Variants in MSRB2 observed in about 807,000 individuals in gnomAD.
MSRB2 encodes methionine-R-sulfoxide reductase B2, mitochondrial.
MSRB2 carries 17 observed loss-of-function variants against 19.0 expected under a neutral mutation model. That is an observed-to-expected ratio of 0.89 (90% CI 0.61 to 1.34). MSRB2 has a LOEUF of 1.34. Among genes scored for constraint, MSRB2 ranks in the 40% most tolerant of loss-of-function variants. The pLI is 0.00. For synonymous variants in MSRB2, 107 were observed against 99.7 expected (o/e 1.07, Z -0.44); for missense variants, 208 against 237.6 (o/e 0.88, Z 0.82).
chr10:23,109,194 TTTTA>T (rs1366957646), intron 2 of MSRB2, among the ~76,000 whole-genome samples: 1 of 152,204 alleles, frequency 6.6e-6, no homozygotes, highest in African/African-American at 2.4e-5. Context: ...AAGGGTTGTT[TTTTA>T]TTTAATTTTC....
intron 1 of MSRB2, among the ~76,000 whole-genome samples, chr10:23,101,863 G>A (rs1466980460): frequency 6.6e-6 from 1 of 152,158 alleles, no homozygotes; most frequent in African/African-American, 2.4e-5. Flanking sequence ...TTATAGACAA[G>A]TTATAAAGAC....
chr10:23,117,290 TG>T (rs1386553263), intron 3 of MSRB2, among the ~76,000 whole-genome samples: 5 of 152,186 alleles, frequency 3.3e-5, no homozygotes, highest in South Asian at 2.1e-4. Context: ...CAGAGATTCC[TG>T]GGGGGGACCT....
chr10:23,097,502 C>A (rs1839881290), intron 1 of MSRB2, among the ~76,000 whole-genome samples: 1 of 152,246 alleles, frequency 6.6e-6, no homozygotes, highest in African/African-American at 2.4e-5. Flanking sequence ...ACTAATCCCT[C>A]AAGAGAGCCT....
At position 23,095,742 on chromosome 10, in the gene MSRB2, C is replaced by T; in HGVS notation, c.118+16C>T. ...GGGGAGGCAGGTAGGACGCGGGTCC[C>T]GCAGGCCCCGCCGCCGCCTACGGCT... On this transcript the variant is annotated intron_variant, in intron 1 of 4. Transcript: ENST00000376510. 1 of 1,233,344 alleles carries T rather than the reference C, an allele frequency of 8.1e-7. No homozygotes were observed. Among genetic ancestry groups the T allele is most frequent in the African/African-American group, 1.6e-5 (1 of 64,006 alleles). The allele number at this position is 1,233,344 out of a possible 1,614,324, so 76.4% of individuals were successfully genotyped here.
rs2131624195 is a variant in MSRB2, at chr10:23,104,138, A to G, written c.119-6A>G. Reference sequence around the variant, plus strand: ...TAATTTTTAAAATTCCTGTTTAACAATACAGGGTCTCTTGCAACGTGTGAG... The same window carrying G: ...TAATTTTTAAAATTCCTGTTTAACAGTACAGGGTCTCTTGCAACGTGTGAG... On this transcript the variant is annotated splice_region_variant and splice_polypyrimidine_tract_variant and intron_variant, in intron 1 of 4. Coordinates refer to ENST00000376510, the MANE Select transcript of MSRB2 (RefSeq NM_012228.4). 1 of 1,606,336 alleles carries G rather than the reference A, an allele frequency of 6.2e-7. No homozygotes were observed. The highest frequency in any genetic ancestry group is 1.1e-5 in the South Asian group (1 of 89,860).
Position 23,120,912 on chromosome 10 carries a change from A to G in MSRB2, c.*50A>G, listed in dbSNP as rs750760727. On this transcript the variant is annotated 3_prime_UTR_variant, in exon 5 of 5. Transcript: ENST00000376510. ...TGCCACCCCTTCACGTGCACCCTCA[A>G]TTTCCACAATTCACTTGAATGACTT... The G allele has an allele frequency of 7.3e-7, 1 of 1,367,348 alleles. No homozygotes were observed. The highest frequency in any genetic ancestry group is 1.0e-6 in the Non-Finnish European group (1 of 966,614). The allele number at this position is 1,367,348 out of a possible 1,614,324, so 84.7% of individuals were successfully genotyped here.
rs926691491 is a variant in MSRB2, at chr10:23,118,236, A to G, written c.297-1068A>G. The stretch of plus-strand genomic sequence containing the variant: ...TGTTTGAGAATTGCTGCATTACACA[A>G]TTGTTTCTGTGGGAGTTTGTGCTGC... On this transcript the variant is annotated intron_variant, in intron 3 of 4. Coordinates refer to ENST00000376510, the MANE Select transcript of MSRB2 (RefSeq NM_012228.4). Among the ~76,000 whole-genome samples, 15 of 150,506 alleles carry G rather than the reference A, an allele frequency of 1.0e-4. No individual in the cohort carries two copies. In the East Asian group the frequency reaches 1.4e-3, roughly 14 times the overall value.
chr10:23,114,310 A>G (rs985434678), intron 3 of MSRB2, among the ~76,000 whole-genome samples: 3 of 150,394 alleles, frequency 2.0e-5, no homozygotes, highest in African/African-American at 7.4e-5. Flanking sequence ...AGATTGAGCC[A>G]CTGCACTCCA....
intron 4 of MSRB2, among the ~76,000 whole-genome samples, chr10:23,119,722 G>A (rs1398899082): frequency 6.6e-6 from 1 of 152,156 alleles, no homozygotes; most frequent in East Asian, 1.9e-4. Flanking sequence ...AGCCTCCCGA[G>A]TAGTTGGGAT....
At chr10:23,103,286 T>C (rs1280044120) in intron 1 of MSRB2, among the ~76,000 whole-genome samples, 1 of 152,204 alleles carries the variant, frequency 6.6e-6, no homozygotes, top group African/African-American at 2.4e-5. Flanking sequence ...ATCACGGGCA[T>C]TCAACGTTTC....
chr10:23,113,470 C>A (rs1457911322), intron 3 of MSRB2, among the ~76,000 whole-genome samples: 4 of 27,734 alleles, frequency 1.4e-4, no homozygotes, highest in Non-Finnish European at 3.6e-4. Flanking sequence ...CCTATTGGAT[C>A]AAGTATTTTA....
At chr10:23,112,345 G>A (rs1053115367) in intron 3 of MSRB2, among the ~76,000 whole-genome samples, 19 of 152,212 alleles carry the variant, frequency 1.2e-4, no homozygotes. Context: ...GGGAGAGGCA[G>A]TAGAATGGTT....
At chr10:23,118,935 C>T (rs1046656506) in intron 3 of MSRB2, 8 of 419,632 alleles carry the variant, frequency 1.9e-5, no homozygotes, top group African/African-American at 4.0e-5. Context: ...TGACTTCCTC[C>T]GAGCATTAGT....
intron 2 of MSRB2, among the ~76,000 whole-genome samples, chr10:23,107,147 C>T (rs1300017541): frequency 6.6e-6 from 1 of 152,250 alleles, no homozygotes; most frequent in East Asian, 1.9e-4. Flanking sequence ...TGCCCTCTGC[C>T]TCTGGTGGCA....
At chr10:23,096,352 C>G (rs200371560) in intron 1 of MSRB2, among the ~76,000 whole-genome samples, 4,628 of 142,712 alleles carry the variant, frequency 0.032, 112 homozygotes, top group African/African-American at 0.075. Flanking sequence ...CTCTCTCTCT[C>G]TGTGTGTGTG....
chr10:23,096,352 C>CTGTGTGTGTGTGTGTGTGTGTGTGTG (rs767702970), intron 1 of MSRB2, among the ~76,000 whole-genome samples: 2,107 of 142,758 alleles, frequency 0.015, 38 homozygotes, highest in African/African-American at 0.037. Flanking sequence ...CTCTCTCTCT[C>CTGTGTGTGTGTGTGTGTGTGTGTGTG]TGTGTGTGTG....
rs113653609 is a variant in MSRB2 at position 23,114,892 on chromosome 10, C to T, written c.297-4412C>T. 4.5e-3 allele frequency among the ~76,000 whole-genome samples: 685 copies of T among 152,282 alleles called. 4 individuals are homozygous for T. The highest frequency in any genetic ancestry group is 4.6e-3 in the Non-Finnish European group (310 of 68,016). On this transcript the variant is annotated intron_variant, in intron 3 of 4. Coordinates refer to ENST00000376510, the MANE Select transcript of MSRB2 (RefSeq NM_012228.4). ...TTCCATTAAGCCACACGGGCAGCTC[C>T]GTTGACATAGGTGCCATCGCCTTTT...
chr10:23,120,073 G>A (rs1007071388), intron 4 of MSRB2, among the ~76,000 whole-genome samples: 2 of 152,176 alleles, frequency 1.3e-5, no homozygotes, highest in African/African-American at 4.8e-5. Flanking sequence ...GCAGGGATAA[G>A]GAGCAGGAAG....
At chr10:23,105,190 T>TTC in intron 2 of MSRB2, among the ~76,000 whole-genome samples, 1 of 147,784 alleles carries the variant, frequency 6.8e-6, no homozygotes, top group African/African-American at 2.6e-5. Context: ...AGTGCTACAT[T>TTC]TATCTCTCTC....
Sources: gnomAD v4.1 joint callset for allele counts (sites outside exome capture counted in the v4.1 genomes callset) on GRCh38, gnomAD v4.1.1 for gene constraint, MANE v1.5 for transcripts, NCBI Gene and HGNC (gene_info 2026-07-23, HGNC 2026-07-21) for gene names.